SPIDR: variants seen among roughly 807,000 people sequenced by gnomAD.
SPIDR encodes scaffold protein involved in DNA repair.
In SPIDR, 93 loss-of-function variants were observed where a neutral mutation model predicts 104.6. The ratio of observed to expected loss-of-function variants is 0.89; its 90% CI spans 0.75 to 1.06. The LOEUF is 1.06. Ranked by LOEUF, SPIDR falls within the 50% of genes least tolerant of loss-of-function variation. The pLI is 0.00. For missense variants in SPIDR, 1,154 were observed against 1,111.2 expected, an observed-to-expected ratio of 1.04 and a Z score of -0.55; for synonymous variants, 431 against 416.9, an observed-to-expected ratio of 1.03 and a Z score of -0.41.
chr8:47,317,169 G>A (rs1479907146), intron 5 of SPIDR, among the ~76,000 whole-genome samples: 1 of 152,188 alleles, frequency 6.6e-6, no homozygotes, highest in African/African-American at 2.4e-5. Context: ...CCTCACCCAG[G>A]AAGCGCAAGG....
chr8:47,445,596 T>A (rs1364229260), intron 8 of SPIDR, among the ~76,000 whole-genome samples: 1 of 152,150 alleles, frequency 6.6e-6, no homozygotes, highest in Non-Finnish European at 1.5e-5. Context: ...TGATTAAGCT[T>A]AGTGAGGAAA....
intron 10 of SPIDR, among the ~76,000 whole-genome samples, chr8:47,620,273 C>CTTTT (rs61006472): frequency 1.2e-5 from 1 of 82,924 alleles, no homozygotes; most frequent in Non-Finnish European, 2.4e-5. Flanking sequence ...CCATTTAAAC[C>CTTTT]TTTTTTTTTT....
At chr8:47,416,368 G>A (rs4873297) in intron 7 of SPIDR, among the ~76,000 whole-genome samples, 150,898 of 152,344 alleles carry the variant, frequency 0.99, 74,750 homozygotes, top group Middle Eastern at 1. Flanking sequence ...AACCCACTCC[G>A]TATTGCTCGG....
intron 8 of SPIDR, among the ~76,000 whole-genome samples, chr8:47,487,654 T>C (rs1231868903): frequency 6.6e-6 from 1 of 152,102 alleles, no homozygotes. Flanking sequence ...TAACAAACTG[T>C]CTCTCAGACC....
At chr8:47,581,745 A>T (rs554464167) in intron 8 of SPIDR, among the ~76,000 whole-genome samples, 1 of 152,200 alleles carries the variant, frequency 6.6e-6, no homozygotes, top group African/African-American at 2.4e-5. Flanking sequence ...CCATTAAAAG[A>T]GGGAAGGAAA....
chr8:47,599,668 G>A (rs771225698), intron 10 of SPIDR, among the ~76,000 whole-genome samples: 65 of 152,264 alleles, frequency 4.3e-4, no homozygotes, highest in African/African-American at 1.3e-3. Flanking sequence ...TGTAAATGTC[G>A]TCTGTCTGCA....
intron 10 of SPIDR, among the ~76,000 whole-genome samples, chr8:47,646,550 C>G (rs1363719411): frequency 6.6e-6 from 1 of 152,138 alleles, no homozygotes; most frequent in East Asian, 1.9e-4. Context: ...GGCACGTGCT[C>G]ATAGTAGAAT....
intron 8 of SPIDR, among the ~76,000 whole-genome samples, chr8:47,488,089 C>T (rs1180288557): frequency 3.9e-5 from 6 of 151,974 alleles, no homozygotes; most frequent in African/African-American, 1.4e-4. Flanking sequence ...AAAGGATCAA[C>T]AAATTGATAG....
chr8:47,498,275 TG>T (rs1405752436), intron 8 of SPIDR, among the ~76,000 whole-genome samples: 1 of 152,160 alleles, frequency 6.6e-6, no homozygotes, highest in African/African-American at 2.4e-5. Flanking sequence ...TGCATCATTC[TG>T]GTAATGAGCA....
chr8:47,709,555 C>T (rs536790306), intron 14 of SPIDR, among the ~76,000 whole-genome samples: 88 of 152,222 alleles, frequency 5.8e-4, no homozygotes, highest in African/African-American at 1.6e-3. Context: ...GGATTACAGG[C>T]GTGAGCCACC....
At chr8:47,297,293 T>C (rs1248277640) in intron 5 of SPIDR, among the ~76,000 whole-genome samples, 2 of 152,176 alleles carry the variant, frequency 1.3e-5, no homozygotes, top group Non-Finnish European at 2.9e-5. Context: ...TTTTTGATCA[T>C]AGAGGAAAAG....
intron 10 of SPIDR, chr8:47,654,087 C>T (rs1333334400): frequency 1.6e-6 from 2 of 1,289,792 alleles, no homozygotes; most frequent in Middle Eastern, 2.1e-4. Context: ...TCTTAGGCCC[C>T]ACCATGTGTG....
intron 1 of SPIDR, among the ~76,000 whole-genome samples, chr8:47,274,765 G>A (rs1175141242): frequency 2.0e-5 from 3 of 151,176 alleles, no homozygotes; most frequent in African/African-American, 7.3e-5. Flanking sequence ...TAGTAGAGAC[G>A]GGTTTTCACC....
At chr8:47,395,087 G>T (rs1291332714) in intron 5 of SPIDR, among the ~76,000 whole-genome samples, 2 of 152,116 alleles carry the variant, frequency 1.3e-5, no homozygotes, top group South Asian at 2.1e-4. Flanking sequence ...GGTGGTTCAT[G>T]CCTGTTATCC....
intron 8 of SPIDR, among the ~76,000 whole-genome samples, chr8:47,445,746 T>C (rs1407912086): frequency 2.0e-5 from 3 of 152,160 alleles, no homozygotes; most frequent in Non-Finnish European, 2.9e-5. Flanking sequence ...CACACAAATA[T>C]TGAGAAAGCA....
At chr8:47,539,530 AG>A (rs1231087051) in intron 8 of SPIDR, among the ~76,000 whole-genome samples, 6 of 152,182 alleles carry the variant, frequency 3.9e-5, no homozygotes, top group African/African-American at 1.2e-4. Flanking sequence ...TTTAAATTAA[AG>A]AGATTGAACA....
chr8:47,594,072 A>G (rs991739528), intron 8 of SPIDR, among the ~76,000 whole-genome samples: 13 of 151,874 alleles, frequency 8.6e-5, no homozygotes, highest in South Asian at 4.2e-4. Flanking sequence ...GTGGGAGATC[A>G]AAGTCCTCCA....
intron 10 of SPIDR, among the ~76,000 whole-genome samples, chr8:47,615,418 A>G (rs778346833): frequency 7.4e-4 from 110 of 148,752 alleles, no homozygotes; most frequent in Non-Finnish European, 1.3e-3. Flanking sequence ...TGGCTAGCTC[A>G]TTGCAATTCC....
At chr8:47,601,018 A>G (rs1261010903) in intron 10 of SPIDR, among the ~76,000 whole-genome samples, 1 of 152,206 alleles carries the variant, frequency 6.6e-6, no homozygotes, top group Non-Finnish European at 1.5e-5. Context: ...GCAAAGAGAG[A>G]AAAACTAGAA....
Sources: gnomAD v4.1 joint callset for allele counts (sites outside exome capture counted in the v4.1 genomes callset) on GRCh38, gnomAD v4.1.1 for gene constraint, MANE v1.5 for transcripts, NCBI Gene and HGNC (gene_info 2026-07-23, HGNC 2026-07-21) for gene names.